The following CDH12 variants were observed in gnomAD, a reference collection of about 807,000 sequenced individuals.
CDH12 encodes the protein cadherin 12.
CDH12 carries 41 observed loss-of-function variants against 74.1 expected under a neutral mutation model. That is an observed-to-expected ratio of 0.55 (90% CI 0.43 to 0.72). The LOEUF is 0.72. Ranked by LOEUF, CDH12 falls within the 30% of genes least tolerant of loss-of-function variation. The probability of loss-of-function intolerance (pLI) is 0.00; values close to 1 mark genes in which losing one functional copy is unlikely to be tolerated. For missense variants in CDH12, 945 were observed against 977.2 expected (o/e 0.97, Z 0.44); for synonymous variants, 399 against 355.0 (o/e 1.12, Z -1.39).
At chr5:21,916,564 G>A (rs1479926673) in intron 6 of CDH12, among the ~76,000 whole-genome samples, 1 of 151,822 alleles carries the variant, frequency 6.6e-6, no homozygotes, top group African/African-American at 2.4e-5. Flanking sequence ...TGGGAAAGGA[G>A]GAAGAACACG....
intron 3 of CDH12, among the ~76,000 whole-genome samples, chr5:22,247,305 C>A (rs541890780): frequency 4.6e-5 from 1 of 21,756 alleles, no homozygotes; most frequent in African/African-American, 1.3e-4. Context: ...GTTGCTCCAA[C>A]GTCAATGAAG....
At chr5:22,122,021 C>G (rs534378742) in intron 4 of CDH12, among the ~76,000 whole-genome samples, 1 of 151,946 alleles carries the variant, frequency 6.6e-6, no homozygotes, top group Non-Finnish European at 1.5e-5. Flanking sequence ...TCCCACATGG[C>G]AGCAATTAAA....
intron 1 of CDH12, among the ~76,000 whole-genome samples, chr5:22,535,158 C>CTTTTTTTTTT: frequency 1.3e-5 from 1 of 75,398 alleles, no homozygotes; most frequent in Non-Finnish European, 2.6e-5. Context: ...TTTTTTTTTT[C>CTTTTTTTTTT]TTTTTTTTTT....
chr5:22,370,970 A>G (rs1021809995), intron 3 of CDH12, among the ~76,000 whole-genome samples: 12 of 152,152 alleles, frequency 7.9e-5, no homozygotes, highest in African/African-American at 2.9e-4. Context: ...AAACAAATCA[A>G]TTACTTTTTG....
At chr5:22,080,173 A>G (rs1193048162) in intron 4 of CDH12, among the ~76,000 whole-genome samples, 1 of 151,798 alleles carries the variant, frequency 6.6e-6, no homozygotes, top group Non-Finnish European at 1.5e-5. Context: ...AAATCAAATC[A>G]ATGCATGTTT....
At chr5:21,943,470 GA>G (rs1221215110) in intron 6 of CDH12, among the ~76,000 whole-genome samples, 8 of 150,478 alleles carry the variant, frequency 5.3e-5, no homozygotes, top group East Asian at 3.9e-4. Flanking sequence ...TTGGTGTGTA[GA>G]AAAAAAAATG....
intron 9 of CDH12, among the ~76,000 whole-genome samples, chr5:21,815,594 A>G (rs1192331463): frequency 2.0e-5 from 3 of 152,078 alleles, no homozygotes; most frequent in Admixed American, 2.0e-4. Context: ...TCCATATGTC[A>G]TTACTAAACA....
intron 2 of CDH12, among the ~76,000 whole-genome samples, chr5:22,420,882 T>C (rs1455132060): frequency 2.6e-5 from 4 of 152,198 alleles, no homozygotes; most frequent in Admixed American, 6.5e-5. Context: ...CAGTGGTTTG[T>C]AGTTCTTGAA....
chr5:21,927,350 C>A (rs1041863198), intron 6 of CDH12, among the ~76,000 whole-genome samples: 1 of 151,904 alleles, frequency 6.6e-6, no homozygotes, highest in African/African-American at 2.4e-5. Context: ...CTTTGGGAGG[C>A]CCAGGTCGGC....
intron 5 of CDH12, among the ~76,000 whole-genome samples, chr5:22,027,843 T>C (rs1260696070): frequency 6.6e-6 from 1 of 152,190 alleles, no homozygotes; most frequent in Non-Finnish European, 1.5e-5. Context: ...TAGTTATTTC[T>C]TGCCTTCTGC....
At chr5:21,763,506 CA>C (rs1744840346) in intron 12 of CDH12, among the ~76,000 whole-genome samples, 1 of 152,114 alleles carries the variant, frequency 6.6e-6, no homozygotes, top group Non-Finnish European at 1.5e-5. Flanking sequence ...TTTTAAATAT[CA>C]AGACTTATTT....
chr5:21,883,555 G>A (rs1285283941), intron 6 of CDH12: 7 of 1,608,954 alleles, frequency 4.4e-6, no homozygotes, highest in East Asian at 2.2e-5. Context: ...GCTACTGGTG[G>A]TGCAGTGTTT....
chr5:22,821,741 C>G (rs1212419097), intron 1 of CDH12, among the ~76,000 whole-genome samples: 5 of 150,928 alleles, frequency 3.3e-5, no homozygotes, highest in South Asian at 2.1e-4. Flanking sequence ...AGGATACAAA[C>G]AAATGGAAGA....
At chr5:22,525,476 A>AAG (rs1224596914) in intron 1 of CDH12, among the ~76,000 whole-genome samples, 1 of 150,434 alleles carries the variant, frequency 6.6e-6, no homozygotes, top group Non-Finnish European at 1.5e-5. Context: ...GAGAGAGAGC[A>AAG]AGAGAGAGAG....
intron 3 of CDH12, among the ~76,000 whole-genome samples, chr5:22,282,174 A>G (rs1301017496): frequency 1.3e-5 from 2 of 152,200 alleles, no homozygotes; most frequent in East Asian, 1.9e-4. Context: ...TGGTGTTGGG[A>G]AAACTGACTA....
At chr5:22,427,985 T>C (rs894723586) in intron 2 of CDH12, among the ~76,000 whole-genome samples, 4 of 152,140 alleles carry the variant, frequency 2.6e-5, no homozygotes, top group Non-Finnish European at 5.9e-5. Context: ...GAAGAACACA[T>C]ATCGAGGGAC....
intron 8 of CDH12, among the ~76,000 whole-genome samples, chr5:21,833,453 A>G (rs1749334746): frequency 1.7e-5 from 2 of 119,172 alleles, no homozygotes; most frequent in Non-Finnish European, 3.3e-5. Context: ...TATTATTAAT[A>G]TATGATATAT....
chr5:22,530,931 G>A (rs1737557039), intron 1 of CDH12, among the ~76,000 whole-genome samples: 1 of 151,562 alleles, frequency 6.6e-6, no homozygotes, highest in African/African-American at 2.4e-5. Flanking sequence ...GCTGAACAAG[G>A]ACTATCAATC....
intron 1 of CDH12, among the ~76,000 whole-genome samples, chr5:22,728,738 C>T (rs1301958330): frequency 6.6e-6 from 1 of 151,838 alleles, no homozygotes; most frequent in African/African-American, 2.4e-5. Context: ...TGTCTTCTTG[C>T]TGTGTTCTCA....
Sources: gnomAD v4.1 joint callset for allele counts (sites outside exome capture counted in the v4.1 genomes callset) on GRCh38, gnomAD v4.1.1 for gene constraint, MANE v1.5 for transcripts, NCBI Gene and HGNC (gene_info 2026-07-23, HGNC 2026-07-21) for gene names.